Variants in EMC2 observed in about 807,000 individuals in gnomAD.
The protein encoded by EMC2 is ER membrane protein complex subunit 2.
In EMC2, 37 loss-of-function variants were observed where a neutral mutation model predicts 51.6. The ratio of observed to expected loss-of-function variants is 0.72; its 90% confidence interval spans 0.55 to 0.94. EMC2 has a LOEUF of 0.94. EMC2 is among the 40% of genes least tolerant of loss of function. EMC2 has a pLI of 0.00. For missense variants in EMC2, 359 were observed against 350.9 expected, an observed-to-expected ratio of 1.02 and a Z score of -0.18; for synonymous variants, 131 against 112.4, an observed-to-expected ratio of 1.17 and a Z score of -1.04.
At chr8:108,453,203 A>ATTT in intron 4 of EMC2, 56 bp downstream of exon 4, 9 of 791,774 alleles carry the variant, frequency 1.1e-5, no homozygotes, top group East Asian at 3.3e-5. Flanking sequence ...GGTGGTGTTA[A>ATTT]TTTTTTTTTT....
At chr8:108,470,174 G>A (rs1810825581) in intron 7 of EMC2, 53 bp downstream of exon 7, 2 of 1,253,276 alleles carry the variant, frequency 1.6e-6, no homozygotes, top group South Asian at 1.2e-5. Context: ...ATCACTGTAA[G>A]TTCAGAAAGC....
Position 108,470,117 on chromosome 8 carries a change from C to T in EMC2, c.505C>T (p.His169Tyr), listed in dbSNP as rs765460299. ...ACTTGCAGAACTTTACATCAATGAA[C>T]ATGAGTAAGTTATTAAACACACAAC... is the stretch of plus-strand genomic sequence containing the variant. ...HELAELYINE[H>Y]DYAKAAFCLE... is the part of the protein sequence containing the mutation. The change falls in exon 7 of 11, where the codon CAT becomes TAT. Residue 169 changes from histidine (H) to tyrosine (Y), a missense_variant. By Grantham distance (83) the His-to-Tyr change is moderately conservative. Coordinates refer to ENST00000220853, the MANE Select transcript of EMC2 (RefSeq NM_014673.5). 6.2e-7 allele frequency: 1 copy of T among 1,607,632 alleles called. No individual in the cohort carries two copies. Among genetic ancestry groups the T allele is most frequent in the Non-Finnish European group, 8.5e-7 (1 of 1,174,734 alleles).
chr8:108,471,521 T>A (rs949856654), intron 7 of EMC2, among the ~76,000 whole-genome samples: 2 of 151,836 alleles, frequency 1.3e-5, no homozygotes, highest in Non-Finnish European at 2.9e-5. Flanking sequence ...AACTATAGTT[T>A]GTTTGGTTTT....
At chr8:108,457,339 T>TGTGTGTGTGTGTGC (rs1819193799) in intron 5 of EMC2, among the ~76,000 whole-genome samples, 1 of 55,526 alleles carries the variant, frequency 1.8e-5, no homozygotes, top group Non-Finnish European at 5.5e-5. Context: ...TGCGTGTGTG[T>TGTGTGTGTGTGTGC]GTGTGTGTGT....
Position 108,479,082 on chromosome 8 carries a change from C to T in EMC2, c.779C>T (p.Ala260Val). Residue 260 changes from alanine (A) to valine (V), a missense_variant, in exon 10 of 11, where the codon GCA becomes GTA. Coordinates refer to ENST00000220853, the MANE Select transcript of EMC2 (RefSeq NM_014673.5). ...KKDNMKYASW[A>V]ASQINRAYQF... Reference sequence around the variant, plus strand: ...GACAACATGAAATATGCTAGTTGGGCAGCTAGTCAAATAAACAGAGCTTAT... The same window carrying T: ...GACAACATGAAATATGCTAGTTGGGTAGCTAGTCAAATAAACAGAGCTTAT... The T allele has an allele frequency of 6.3e-7, 1 of 1,580,286 alleles. No individual in the cohort carries two copies. Among genetic ancestry groups the T allele is most frequent in the Non-Finnish European group, 8.6e-7 (1 of 1,162,202 alleles).
intron 9 of EMC2, among the ~76,000 whole-genome samples, chr8:108,477,528 C>T (rs1369173708): frequency 2.6e-5 from 4 of 151,882 alleles, no homozygotes; most frequent in Admixed American, 6.6e-5. Context: ...TTATCCTGTT[C>T]CTTTGACTTC....
intron 5 of EMC2, among the ~76,000 whole-genome samples, chr8:108,461,909 A>G (rs1055034352): frequency 6.6e-5 from 10 of 151,980 alleles, no homozygotes; most frequent in African/African-American, 2.4e-4. Flanking sequence ...CCCGGGTTCA[A>G]GTGATTCTCC....
In EMC2 at chr8:108,475,905, T is replaced by C. The variant is rs1406840767; in HGVS notation, c.533T>C (p.Leu178Ser). Residue 178 changes from leucine (L) to serine (S), a missense_variant, in exon 8 of 11, where the codon TTA becomes TCA. By Grantham distance (145) the Leu-to-Ser change is moderately radical. Coordinates refer to ENST00000220853, the MANE Select transcript of EMC2 (RefSeq NM_014673.5). ...AGCTATGCAAAAGCAGCCTTTTGTT[T>C]AGAGGAACTAATGATGACTAATCCA... is the stretch of plus-strand genomic sequence containing the variant. The part of the protein sequence containing the change: ...EHDYAKAAFC[L>S]EELMMTNPHN... 1 of 1,600,534 alleles carries C rather than the reference T, an allele frequency of 6.2e-7. No individual in the cohort carries two copies. Among genetic ancestry groups the C allele is most frequent in the Non-Finnish European group, 8.5e-7 (1 of 1,172,706 alleles).
intron 9 of EMC2, 113 bp downstream of exon 9, chr8:108,477,005 GT>G (rs968368750): frequency 7.1e-6 from 4 of 560,198 alleles, no homozygotes; most frequent in Admixed American, 3.3e-5. Context: ...TGATAAGCAT[GT>G]TTTTTTCTGT....
chr8:108,480,298 C>T (rs1811023051), intron 10 of EMC2, among the ~76,000 whole-genome samples: 1 of 151,198 alleles, frequency 6.6e-6, no homozygotes, highest in South Asian at 2.1e-4. Flanking sequence ...TTTTTCTTTC[C>T]TCCATGTTTA....
chr8:108,455,788 C>T, intron 4 of EMC2, 85 bp from the exon 5 acceptor site: 2 of 508,456 alleles, frequency 3.9e-6, no homozygotes, highest in Middle Eastern at 5.6e-4. Flanking sequence ...AATATTAAAG[C>T]CAGTTTAATT....
intron 5 of EMC2, among the ~76,000 whole-genome samples, chr8:108,462,222 T>TGCGTGTGTGTGTGTGTGTGC (rs1819345107): frequency 6.6e-6 from 1 of 151,556 alleles, no homozygotes; most frequent in Non-Finnish European, 1.5e-5. Context: ...TTTGTGTGCG[T>TGCGTGTGTGTGTGTGTGTGC]GTGTGTGTAT....
At chr8:108,477,865 C>T (rs925699666) in intron 9 of EMC2, among the ~76,000 whole-genome samples, 2 of 151,952 alleles carry the variant, frequency 1.3e-5, no homozygotes, top group Non-Finnish European at 2.9e-5. Context: ...TCAATAAATC[C>T]GCACATCAAC....
chr8:108,474,711 A>G (rs1254331050), intron 7 of EMC2: 2 of 151,782 alleles, frequency 1.3e-5, no homozygotes, highest in Non-Finnish European at 2.9e-5. Context: ...TGACATCTTC[A>G]GTTTTTCAAT....
At chr8:108,453,220 TCAGACA>T in intron 4 of EMC2, 73 bp downstream of exon 4, 4 of 785,034 alleles carry the variant, frequency 5.1e-6, no homozygotes, top group Non-Finnish European at 8.4e-6. Context: ...TTTTTTTAAT[TCAGACA>T]TTCTAGAGTG....
intron 10 of EMC2, among the ~76,000 whole-genome samples, chr8:108,481,928 T>G (rs1811050869): frequency 6.6e-6 from 1 of 152,220 alleles, no homozygotes; most frequent in Non-Finnish European, 1.5e-5. Flanking sequence ...ATTTAGTTAT[T>G]GCTATGCATT....
Position 108,488,818 on chromosome 8 carries a change from G to T in EMC2, c.*2220G>T, listed in dbSNP as rs1811189458. Among the ~76,000 whole-genome samples, 1 of 152,182 alleles carries T rather than the reference G, an allele frequency of 6.6e-6. No individual in the cohort carries two copies. Among genetic ancestry groups the T allele is most frequent in the African/African-American group, 2.4e-5 (1 of 41,450 alleles). On this transcript the variant is annotated 3_prime_UTR_variant, in exon 11 of 11. Coordinates refer to ENST00000220853, the MANE Select transcript of EMC2 (RefSeq NM_014673.5). Reference sequence around the variant, plus strand: ...CAACCATCCATTCTGTCTCTCTATTGTGGTAGCTACTAACCATATGTGATA... The same window carrying T: ...CAACCATCCATTCTGTCTCTCTATTTTGGTAGCTACTAACCATATGTGATA...
At chr8:108,453,627 T>A (rs1819083737) in intron 4 of EMC2, among the ~76,000 whole-genome samples, 1 of 152,198 alleles carries the variant, frequency 6.6e-6, no homozygotes. Flanking sequence ...TCGGTAGTGT[T>A]TTCTAGACAA....
Position 108,486,962 on chromosome 8 carries a change from A to G in EMC2, c.*364A>G, listed in dbSNP as rs1017775456. ...ATTTTGTTATACTCACAGTGGATAT[A>G]TTGTTTAAGAACTCAGTTTCTAGTT... On this transcript the variant is annotated 3_prime_UTR_variant, in exon 11 of 11. Transcript: ENST00000220853. 116 of 157,748 alleles carry G rather than the reference A, an allele frequency of 7.4e-4. No homozygotes were observed. Among genetic ancestry groups the G allele is most frequent in the Non-Finnish European group, 1.1e-3 (76 of 71,976 alleles). The allele number at this position is 157,748 out of a possible 1,614,324, so 9.8% of individuals were successfully genotyped here.
Sources: allele counts gnomAD v4.1 joint callset (sites outside exome capture counted in the v4.1 genomes callset), GRCh38; gene constraint gnomAD v4.1.1; transcripts MANE v1.5; gene names NCBI Gene and HGNC (gene_info 2026-07-23, HGNC 2026-07-21).